Variants in GABRB3 observed in about 807,000 individuals in gnomAD.
GABRB3 encodes gamma-aminobutyric acid type A receptor subunit beta3.
Under a neutral mutation model 52.1 loss-of-function variants are expected in GABRB3, and 14 were observed. That is an observed-to-expected ratio of 0.27 (90% CI 0.18 to 0.42). GABRB3 has a LOEUF of 0.42. GABRB3 is among the 10% of genes least tolerant of loss of function. The pLI is 1.00. For synonymous variants in GABRB3, 260 were observed against 232.3 expected, an observed-to-expected ratio of 1.12 and a Z score of -1.08; for missense variants, 307 against 609.1, an observed-to-expected ratio of 0.50 and a Z score of 5.22.
At chr15:26,636,568 A>T (rs1477049894) in intron 3 of GABRB3, among the ~76,000 whole-genome samples, 1 of 152,150 alleles carries the variant, frequency 6.6e-6, no homozygotes, top group African/African-American at 2.4e-5. Context: ...CCCTTAAGTG[A>T]TTGCCTCTAG....
At chr15:26,740,872 A>T (rs1042920132) in intron 3 of GABRB3, among the ~76,000 whole-genome samples, 1 of 152,024 alleles carries the variant, frequency 6.6e-6, no homozygotes, top group Non-Finnish European at 1.5e-5. Flanking sequence ...GTGCCATAAG[A>T]CACCTCCCAG....
rs763748758 is a variant in GABRB3 at position 26,772,798 on chromosome 15, G to C, written c.81-26C>G. 27 of 1,529,660 alleles carry C rather than the reference G, an allele frequency of 1.8e-5. No individual in the cohort carries two copies. The Admixed American group carries it at 3.5e-4, about 20-fold the overall frequency. The allele number at this position is 1,529,660 out of a possible 1,614,324, so 94.8% of individuals were successfully genotyped here. A position where few individuals can be genotyped will look rare whatever the true frequency, so the allele number is the denominator to read the frequency against. ...CTGGGGGAGGGACGGGGAGCACAAA[G>C]AGCGGGGTCAGGGGCGGCTCAGCCG... On this transcript the variant is annotated intron_variant, in intron 1 of 8. Coordinates refer to ENST00000311550, the MANE Select transcript of GABRB3 (RefSeq NM_000814.6).
chr15:26,731,076 C>G (rs955490649), intron 3 of GABRB3, among the ~76,000 whole-genome samples: 1 of 152,152 alleles, frequency 6.6e-6, no homozygotes, highest in Non-Finnish European at 1.5e-5. Flanking sequence ...CTCGCTCTCT[C>G]TCTCTCTCTC....
intron 5 of GABRB3, 200 bp from the exon 6 acceptor site, chr15:26,580,656 G>C (rs1288327280): frequency 1.4e-6 from 1 of 729,732 alleles, no homozygotes. Flanking sequence ...ATTTGTACCA[G>C]GTTGGTACTG....
At chr15:26,770,927 T>C (rs1005853202) in intron 3 of GABRB3, among the ~76,000 whole-genome samples, 8 of 152,250 alleles carry the variant, frequency 5.3e-5, no homozygotes, top group Non-Finnish European at 1.0e-4. Flanking sequence ...AGGTAATTTA[T>C]GCAGTCACAT....
chr15:26,610,846 T>C (rs999978899), intron 4 of GABRB3, among the ~76,000 whole-genome samples: 1 of 152,224 alleles, frequency 6.6e-6, no homozygotes, highest in Non-Finnish European at 1.5e-5. Flanking sequence ...TCTTCAGAAT[T>C]GTCAGCATAC....
At chr15:26,624,678 G>A (rs1448621350) in intron 3 of GABRB3, 5 of 984,494 alleles carry the variant, frequency 5.1e-6, no homozygotes, top group Non-Finnish European at 4.8e-6. Context: ...ATCCAAACCC[G>A]CTGCATGTGA....
At chr15:26,549,138 T>C (rs927639430) in intron 8 of GABRB3, among the ~76,000 whole-genome samples, 5 of 152,208 alleles carry the variant, frequency 3.3e-5, no homozygotes, top group African/African-American at 9.7e-5. Flanking sequence ...GCTTCCTCCA[T>C]GAATCTTTCA....
chr15:26,611,386 TAGGCAGTTC>T (rs1892066177), intron 4 of GABRB3, among the ~76,000 whole-genome samples: 1 of 152,204 alleles, frequency 6.6e-6, no homozygotes, highest in South Asian at 2.1e-4. Flanking sequence ...TAACATTTGA[TAGGCAGTTC>T]AGGATTTCTT....
chr15:26,576,352 CTGAAA>C (rs1330590274), intron 6 of GABRB3, among the ~76,000 whole-genome samples: 3 of 152,078 alleles, frequency 2.0e-5, no homozygotes. Context: ...ACAGAATTTC[CTGAAA>C]TGAAATTTTA....
chr15:26,650,590 T>C (rs1332649996), intron 3 of GABRB3, among the ~76,000 whole-genome samples: 2 of 152,074 alleles, frequency 1.3e-5, no homozygotes, highest in Non-Finnish European at 2.9e-5. Context: ...ATTTAAAGCC[T>C]GGAAGCTAAA....
At chr15:26,732,297 G>T (rs1048910518) in intron 3 of GABRB3, among the ~76,000 whole-genome samples, 6 of 43,132 alleles carry the variant, frequency 1.4e-4, no homozygotes, top group African/African-American at 1.0e-3. Flanking sequence ...TGGATAGATG[G>T]ATGGATGGAT....
intron 7 of GABRB3, among the ~76,000 whole-genome samples, chr15:26,564,475 T>G (rs529579911): frequency 6.6e-6 from 1 of 152,320 alleles, no homozygotes; most frequent in East Asian, 1.9e-4. Flanking sequence ...CCTCCCGCGT[T>G]GAGTCCAGGT....
In GABRB3 at chr15:26,739,805, C is replaced by G. The variant is rs547093367; in HGVS notation, c.240+32597G>C. On this transcript the variant is annotated intron_variant, in intron 3 of 8. Coordinates refer to ENST00000311550, the MANE Select transcript of GABRB3 (RefSeq NM_000814.6). The stretch of plus-strand genomic sequence containing the variant: ...ATATCCATCACTTTTCTTAATTGGA[C>G]TATCCATCGTTTATCTTTCCTTTAT... Among the ~76,000 whole-genome samples the G allele has an allele frequency of 3.4e-4, 52 of 152,272 alleles. 1 individual carries two copies. The South Asian group carries it at 0.01, about 30-fold the overall frequency.
chr15:26,671,650 T>TTGGG (rs1887900961), intron 3 of GABRB3, among the ~76,000 whole-genome samples: 1 of 152,248 alleles, frequency 6.6e-6, no homozygotes, highest in Non-Finnish European at 1.5e-5. Flanking sequence ...ATTTGATTAG[T>TTGGG]TGGGGTAGGC....
chr15:26,628,858 C>T, intron 3 of GABRB3: 2 of 1,047,248 alleles, frequency 1.9e-6, no homozygotes, highest in Non-Finnish European at 2.8e-6. Context: ...CCTGAAACGG[C>T]AGTCCTCAAA....
chr15:26,612,720 C>A (rs1892115414), intron 4 of GABRB3: 1 of 152,156 alleles, frequency 6.6e-6, no homozygotes, highest in East Asian at 1.9e-4. Context: ...CAACAAACAA[C>A]ACAAGCTATA....
intron 3 of GABRB3, among the ~76,000 whole-genome samples, chr15:26,644,795 C>G (rs1893305186): frequency 1.3e-5 from 2 of 152,150 alleles, no homozygotes; most frequent in Admixed American, 1.3e-4. Flanking sequence ...TTGTCCATAG[C>G]CTGAGGAGCA....
At chr15:26,772,117 T>C in intron 3 of GABRB3, 2 of 364,372 alleles carry the variant, frequency 5.5e-6, no homozygotes, top group Non-Finnish European at 9.7e-6. Context: ...CTGGAGGAGC[T>C]GGGAGCCCAC....
Sources: gnomAD v4.1 joint callset for allele counts (sites outside exome capture counted in the v4.1 genomes callset) on GRCh38, gnomAD v4.1.1 for gene constraint, MANE v1.5 for transcripts, NCBI Gene and HGNC (gene_info 2026-07-23, HGNC 2026-07-21) for gene names.